PGBD5: variants seen among roughly 807,000 people sequenced by gnomAD.
PGBD5 encodes the protein piggyBac transposable element-derived protein 5.
Under a neutral mutation model 47.9 loss-of-function variants are expected in PGBD5, and 14 were observed. That is an observed-to-expected ratio of 0.29 (90% confidence interval 0.19 to 0.46). The LOEUF (loss-of-function observed/expected upper bound fraction) is 0.46. Ranked by LOEUF, PGBD5 falls within the 20% of genes least tolerant of loss-of-function variation. PGBD5 has a pLI of 1.00. For missense variants in PGBD5, 635 were observed against 716.0 expected (o/e 0.89, Z 1.29); for synonymous variants, 316 against 306.3 (o/e 1.03, Z -0.33).
intron 1 of PGBD5, among the ~76,000 whole-genome samples, chr1:230,405,012 G>A (rs1657267688): frequency 1.3e-5 from 2 of 149,078 alleles, no homozygotes; most frequent in Non-Finnish European, 3.0e-5. Context: ...ATATGAAGAG[G>A]TGAAACCCCG....
chr1:230,333,139 C>A (rs943657721), intron 4 of PGBD5, 98 bp from the exon 5 acceptor site: 4 of 1,297,246 alleles, frequency 3.1e-6, no homozygotes, highest in Non-Finnish European at 4.2e-6. Context: ...CGGGACTGCC[C>A]GGTTCTGAGG....
At chr1:230,371,840 G>T (rs1377261138) in intron 1 of PGBD5, among the ~76,000 whole-genome samples, 2 of 152,206 alleles carry the variant, frequency 1.3e-5, no homozygotes, top group Non-Finnish European at 1.5e-5. Flanking sequence ...TTTGAATCAT[G>T]ATTCCTTCCC....
intron 1 of PGBD5, among the ~76,000 whole-genome samples, chr1:230,391,723 G>A (rs1488097514): frequency 1.3e-5 from 2 of 152,184 alleles, no homozygotes; most frequent in East Asian, 3.8e-4. Context: ...CACTTAGGAG[G>A]ATATGCTATT....
intron 3 of PGBD5, among the ~76,000 whole-genome samples, chr1:230,345,879 T>A (rs1313369837): frequency 6.6e-6 from 1 of 152,122 alleles, no homozygotes; most frequent in Non-Finnish European, 1.5e-5. Flanking sequence ...CTTTGGTAGG[T>A]TAGGTGTATT....
chr1:230,389,110 G>A (rs1180240306), intron 1 of PGBD5, among the ~76,000 whole-genome samples: 5 of 152,122 alleles, frequency 3.3e-5, no homozygotes, highest in South Asian at 2.1e-4. Context: ...ACAAGGCTTC[G>A]ATGCAAATCT....
chr1:230,326,827 C>T (rs1190699363), intron 5 of PGBD5, among the ~76,000 whole-genome samples: 1 of 152,188 alleles, frequency 6.6e-6, no homozygotes, highest in African/African-American at 2.4e-5. Flanking sequence ...TCAACCCTCC[C>T]ATCCCCCAGC....
At chr1:230,352,448 G>A (rs1324054605) in intron 2 of PGBD5, among the ~76,000 whole-genome samples, 1 of 152,176 alleles carries the variant, frequency 6.6e-6, no homozygotes, top group African/African-American at 2.4e-5. Flanking sequence ...TACTTACCAT[G>A]TGTGATGTGG....
chr1:230,325,262 G>C, intron 6 of PGBD5, 48 bp downstream of exon 6: 1 of 1,360,980 alleles, frequency 7.3e-7, no homozygotes, highest in Non-Finnish European at 1.0e-6. Context: ...CTTCCGAGAC[G>C]GCACAACTAT....
At chr1:230,371,924 A>G (rs1258271420) in intron 1 of PGBD5, among the ~76,000 whole-genome samples, 1 of 152,156 alleles carries the variant, frequency 6.6e-6, no homozygotes, top group Non-Finnish European at 1.5e-5. Context: ...CCTGTGGGCA[A>G]GCTACCTAAG....
At chr1:230,424,709 G>A (rs963013043) in intron 1 of PGBD5, among the ~76,000 whole-genome samples, 2 of 152,234 alleles carry the variant, frequency 1.3e-5, no homozygotes, top group African/African-American at 2.4e-5. Flanking sequence ...CAGGAGCACG[G>A]GCCTGCTACA....
At chr1:230,348,202 G>T (rs969896935) in intron 3 of PGBD5, among the ~76,000 whole-genome samples, 3 of 152,202 alleles carry the variant, frequency 2.0e-5, no homozygotes, top group Non-Finnish European at 4.4e-5. Flanking sequence ...CCCTACATAT[G>T]ACATTTACAA....
Position 230,316,100 on chromosome 1 carries a change from TTA to T in PGBD5, c.*7323_*7324del, listed in dbSNP as rs200257276. ...TGTTTATGTGTATACATACATATGT[TTA>T]TGTGTACACATATATCTATGTGTAT... On this transcript the variant is annotated 3_prime_UTR_variant, in exon 7 of 7. Transcript: ENST00000391860. 314 of 113,600 alleles carry T rather than the reference TTA, an allele frequency of 2.8e-3. 23 individuals are homozygous for T. The highest frequency in any genetic ancestry group is 9.2e-3 in the African/African-American group (296 of 32,020). 7.0% of individuals were successfully genotyped at this position (113,600 alleles called of 1,614,324 possible).
intron 3 of PGBD5, among the ~76,000 whole-genome samples, chr1:230,337,502 T>G (rs937943302): frequency 6.6e-6 from 1 of 151,946 alleles, no homozygotes; most frequent in African/African-American, 2.4e-5. Context: ...GATGCTTCAG[T>G]TTGGAAAGGT....
rs190022721 is a variant in PGBD5 at position 230,353,632 on chromosome 1, A to T, written c.760-2540T>A. Among the ~76,000 whole-genome samples the T allele has an allele frequency of 3.2e-3, 486 of 152,210 alleles. 3 individuals carry two copies. The highest frequency in any genetic ancestry group is 0.011 in the African/African-American group (471 of 41,538). ...GCAGCCCTGAAGGATGGTGTAAGGG[A>T]CGGGTGCAGAGTGATTCCTGGGAAT... On this transcript the variant is annotated intron_variant, in intron 2 of 6. Coordinates refer to ENST00000391860, the MANE Select transcript of PGBD5 (RefSeq NM_001258311.2).
chr1:230,415,201 G>A (rs932924453), intron 1 of PGBD5, among the ~76,000 whole-genome samples: 2 of 151,894 alleles, frequency 1.3e-5, no homozygotes, highest in Non-Finnish European at 2.9e-5. Context: ...CTTGAGCCCA[G>A]GAGTTCAAGG....
intron 1 of PGBD5, among the ~76,000 whole-genome samples, chr1:230,359,963 C>T (rs1420486798): frequency 2.0e-5 from 3 of 152,068 alleles, no homozygotes; most frequent in Admixed American, 6.5e-5. Context: ...GAATGAGGGC[C>T]GATTCCGCAG....
At position 230,321,702 on chromosome 1, in the gene PGBD5, T is replaced by G. The variant is rs866144899; in HGVS notation, c.*1723A>C. The G allele has an allele frequency of 2.0e-5, 3 of 152,772 alleles. No individual in the cohort carries two copies. Among genetic ancestry groups the G allele is most frequent in the African/African-American group, 7.2e-5 (3 of 41,586 alleles). 9.5% of individuals were successfully genotyped at this position (152,772 alleles called of 1,614,324 possible). On this transcript the variant is annotated 3_prime_UTR_variant, in exon 7 of 7. Coordinates refer to ENST00000391860, the MANE Select transcript of PGBD5 (RefSeq NM_001258311.2). ...TACTTGTTTGGACAGAAAAGAAAAT[T>G]CATCAGCTTTCATTAGAGTCTCCTT...
intron 2 of PGBD5, 100 bp downstream of exon 2, chr1:230,356,794 G>A: frequency 1.6e-6 from 2 of 1,282,886 alleles, no homozygotes; most frequent in Non-Finnish European, 2.2e-6. Flanking sequence ...CAGAGGGCAG[G>A]CAGGGCAGGA....
At chr1:230,353,788 CTG>C (rs1223510909) in intron 2 of PGBD5, among the ~76,000 whole-genome samples, 2 of 152,222 alleles carry the variant, frequency 1.3e-5, no homozygotes, top group African/African-American at 4.8e-5. Flanking sequence ...CATTGCCTCT[CTG>C]TGAGCTGAAT....
Sources: allele counts gnomAD v4.1 joint callset (sites outside exome capture counted in the v4.1 genomes callset), GRCh38; gene constraint gnomAD v4.1.1; transcripts MANE v1.5; gene names NCBI Gene and HGNC (gene_info 2026-07-23, HGNC 2026-07-21).